The following CDK5RAP2 variants were observed in gnomAD, a reference collection of about 807,000 sequenced individuals.
CDK5RAP2 encodes the protein CDK5 regulatory subunit-associated protein 2.
In CDK5RAP2, 147 loss-of-function variants were observed where a neutral mutation model predicts 232.9. That is an observed-to-expected ratio of 0.63 (90% CI 0.55 to 0.72). The LOEUF (loss-of-function observed/expected upper bound fraction) is 0.72. Ranked by LOEUF, CDK5RAP2 falls within the 30% of genes least tolerant of loss-of-function variation. The probability of loss-of-function intolerance (pLI) is 0.00; values close to 1 mark genes in which losing one functional copy is unlikely to be tolerated. For synonymous variants in CDK5RAP2, 833 were observed against 833.7 expected, an observed-to-expected ratio of 1.00 and a Z score of 0.01; for missense variants, 2,195 against 2,231.5, an observed-to-expected ratio of 0.98 and a Z score of 0.33.
intron 14 of CDK5RAP2, among the ~76,000 whole-genome samples, chr9:120,483,567 A>C (rs1159346768): frequency 6.6e-6 from 1 of 152,152 alleles, no homozygotes; most frequent in Non-Finnish European, 1.5e-5. Flanking sequence ...TGCTCAAACT[A>C]CCCAATGTGG....
At chr9:120,501,858 T>G (rs2039591405) in intron 12 of CDK5RAP2, among the ~76,000 whole-genome samples, 1 of 152,198 alleles carries the variant, frequency 6.6e-6, no homozygotes, top group Non-Finnish European at 1.5e-5. Context: ...GATTGTTGTT[T>G]TGGGGTAATT....
chr9:120,512,841 G>A (rs371331365), intron 12 of CDK5RAP2, among the ~76,000 whole-genome samples: 14 of 152,216 alleles, frequency 9.2e-5, no homozygotes, highest in African/African-American at 2.6e-4. Context: ...AGCATCACGC[G>A]GGCACACAGG....
chr9:120,461,312 T>C (rs1405216562), intron 18 of CDK5RAP2, among the ~76,000 whole-genome samples: 2 of 152,246 alleles, frequency 1.3e-5, no homozygotes, highest in African/African-American at 4.8e-5. Context: ...TTATAAAGAC[T>C]GCATAAATCC....
At position 120,518,598 on chromosome 9, in the gene CDK5RAP2, C is replaced by T. The variant is rs756543808; in HGVS notation, c.1140G>A (p.Ser380=). Residue 380 remains serine (S), a synonymous_variant, in exon 12 of 38, where the codon TCG becomes TCA. Coordinates refer to ENST00000349780, the MANE Select transcript of CDK5RAP2 (RefSeq NM_018249.6). ...TGAGGTTTTGTGAGCGCAGCGCAGCCGAAAGGGCTTCCTTTCCTGATAGAG... is the reference window on the plus strand; with the variant it reads ...TGAGGTTTTGTGAGCGCAGCGCAGCTGAAAGGGCTTCCTTTCCTGATAGAG... ...ETALSGKEAL[S]AALRSQNLTK... 2.5e-6 allele frequency: 4 copies of T among 1,613,448 alleles called. No homozygotes were observed. The highest frequency in any genetic ancestry group is 1.7e-5 in the Admixed American group (1 of 59,912).
chr9:120,480,736 G>C (rs2038258009), intron 14 of CDK5RAP2, among the ~76,000 whole-genome samples: 1 of 152,214 alleles, frequency 6.6e-6, no homozygotes, highest in Non-Finnish European at 1.5e-5. Context: ...AAGAAGCCCT[G>C]ATCCAGGAGA....
intron 21 of CDK5RAP2, among the ~76,000 whole-genome samples, chr9:120,450,928 G>A (rs923468900): frequency 6.6e-6 from 1 of 152,206 alleles, no homozygotes; most frequent in African/African-American, 2.4e-5. Context: ...GCAGGTTCAA[G>A]GATAAGAACA....
chr9:120,470,155 G>A lies in CDK5RAP2; in HGVS notation c.1924C>T (p.Arg642Trp), dbSNP rs373107372. 32 of 1,592,412 alleles carry A rather than the reference G, an allele frequency of 2.0e-5. No individual in the cohort carries two copies. The highest frequency in any genetic ancestry group is 4.5e-5 in the East Asian group (2 of 44,628). Residue 642 changes from arginine to tryptophan, a missense_variant, in exon 17 of 38, where the codon CGG (arginine) becomes TGG (tryptophan). Coordinates refer to ENST00000349780, the MANE Select transcript of CDK5RAP2 (RefSeq NM_018249.6). Reference protein sequence around the residue: ...YLSICLEENNRFQVEHFSQEE... With the variant: ...YLSICLEENNWFQVEHFSQEE... ...TGAGAAAAATGTTCCACTTGAAACC[G>A]ATTGTTTTCTTCAAGGCAAATACTT... is the stretch of plus-strand genomic sequence containing the variant.
chr9:120,405,873 T>C (rs1416499047), intron 32 of CDK5RAP2, among the ~76,000 whole-genome samples: 1 of 152,170 alleles, frequency 6.6e-6, no homozygotes, highest in Non-Finnish European at 1.5e-5. Context: ...ACATGTATGA[T>C]GTAATATTGG....
At chr9:120,409,023 C>A in intron 30 of CDK5RAP2, 104 bp downstream of exon 30, 1 of 1,039,430 alleles carries the variant, frequency 9.6e-7, no homozygotes, top group Non-Finnish European at 1.5e-6. Flanking sequence ...TACTGCCTGC[C>A]ACTGTGCACT....
At position 120,389,783 on chromosome 9, in the gene CDK5RAP2, G is replaced by A. The variant is rs139351867; in HGVS notation, c.5583C>T (p.Val1861=). 2.8e-5 allele frequency: 45 copies of A among 1,613,922 alleles called. No homozygotes were observed. Among genetic ancestry groups the A allele is most frequent in the Non-Finnish European group, 1.2e-5 (14 of 1,179,824 alleles). The change falls in exon 37 of 38, where the codon GTC becomes GTT. Residue 1861 remains valine, a synonymous_variant. Coordinates refer to ENST00000349780, the MANE Select transcript of CDK5RAP2 (RefSeq NM_018249.6). Reference sequence around the variant, plus strand: ...CCTTCCGAAGGATTTTGTGGGTTACGACCACTGAGGAGAGAGCAAAGAATG... The same window carrying A: ...CCTTCCGAAGGATTTTGTGGGTTACAACCACTGAGGAGAGAGCAAAGAATG... ...RQEKVIFDQL[V]VTHKILRKAR... is the part of the protein sequence containing the mutation.
chr9:120,523,705 TG>T (rs752693209), intron 11 of CDK5RAP2, among the ~76,000 whole-genome samples: 1 of 152,050 alleles, frequency 6.6e-6, no homozygotes, highest in Non-Finnish European at 1.5e-5. Flanking sequence ...GTGCAAGAGG[TG>T]GGAGGAGGAA....
chr9:120,399,762 C>G (rs1006036087), intron 35 of CDK5RAP2, among the ~76,000 whole-genome samples: 1 of 152,090 alleles, frequency 6.6e-6, no homozygotes, highest in African/African-American at 2.4e-5. Flanking sequence ...ACCAGCTAAA[C>G]GTGGGCCAAA....
At chr9:120,454,254 G>A (rs1588381340) in intron 20 of CDK5RAP2, among the ~76,000 whole-genome samples, 1 of 152,302 alleles carries the variant, frequency 6.6e-6, no homozygotes, top group South Asian at 2.1e-4. Flanking sequence ...CAACCTCCTG[G>A]CCCTGGCCCC....
intron 22 of CDK5RAP2, among the ~76,000 whole-genome samples, chr9:120,445,199 C>T (rs77390609): frequency 0.024 from 3,626 of 152,282 alleles, 54 homozygotes; most frequent in Middle Eastern, 0.041. Context: ...CATTTCTTTC[C>T]CATAGCTCTC....
intron 18 of CDK5RAP2, 125 bp downstream of exon 18, chr9:120,467,735 T>C: frequency 2.0e-6 from 2 of 980,818 alleles, no homozygotes; most frequent in South Asian, 2.6e-5. Context: ...AGCCTCAACG[T>C]CCTGGGCCCA....
intron 30 of CDK5RAP2, 96 bp downstream of exon 30, chr9:120,409,031 A>G (rs1174283542): frequency 1.7e-5 from 20 of 1,160,148 alleles, no homozygotes; most frequent in Admixed American, 8.5e-5. Context: ...GCCACTGTGC[A>G]CTAAGGCAGA....
intron 25 of CDK5RAP2, among the ~76,000 whole-genome samples, chr9:120,423,062 G>A (rs946318054): frequency 1.3e-5 from 2 of 151,994 alleles, no homozygotes; most frequent in African/African-American, 4.8e-5. Flanking sequence ...AATGGGTAAC[G>A]GAATCAAAAA....
chr9:120,454,748 G>A (rs1012724220), intron 20 of CDK5RAP2, among the ~76,000 whole-genome samples: 6 of 152,214 alleles, frequency 3.9e-5, no homozygotes, highest in African/African-American at 1.4e-4. Flanking sequence ...ACCAGTGAGA[G>A]AAGACAGCTG....
At position 120,403,309 on chromosome 9, in the gene CDK5RAP2, C is replaced by A. The variant is rs1465875896; in HGVS notation, c.5042-238G>T. 5.6e-6 allele frequency: 3 copies of A among 532,676 alleles called. No homozygotes were observed. Among genetic ancestry groups the A allele is most frequent in the Non-Finnish European group, 1.0e-5 (3 of 295,726 alleles). 33.0% of individuals were successfully genotyped at this position (532,676 alleles called of 1,614,324 possible). A position where few individuals can be genotyped will look rare whatever the true frequency, so the allele number is the denominator to read the frequency against. ...GTCAACTCAACCAACACTTATCAAC[C>A]ACCCACTCGGCAGAAGACCCCAGAT... is the stretch of plus-strand genomic sequence containing the variant. On this transcript the variant is annotated intron_variant, in intron 33 of 37. Transcript: ENST00000349780. The surrounding 1 kb of genome is among the most constrained non-coding windows in gnomAD (Gnocchi z 4.2).
Sources: allele counts gnomAD v4.1 joint callset (sites outside exome capture counted in the v4.1 genomes callset), GRCh38; gene constraint gnomAD v4.1.1; non-coding constraint Gnocchi (gnomAD v3.1); transcripts MANE v1.5; gene names NCBI Gene and HGNC (gene_info 2026-07-23, HGNC 2026-07-21).